Variants in RSPO3 observed in about 807,000 individuals in gnomAD.
RSPO3 encodes R-spondin-3.
Under a neutral mutation model 36.5 loss-of-function variants are expected in RSPO3, and 17 were observed. The ratio of observed to expected loss-of-function variants is 0.47; its 90% CI spans 0.32 to 0.70. RSPO3 has a LOEUF of 0.70. Among genes scored for constraint, RSPO3 ranks in the 30% least tolerant of loss-of-function variants. RSPO3 has a pLI of 0.04. For synonymous variants in RSPO3, 108 were observed against 107.0 expected (o/e 1.01, Z -0.06); for missense variants, 294 against 322.5 (o/e 0.91, Z 0.68).
chr6:127,151,609 GT>G (rs1401079434), intron 3 of RSPO3, among the ~76,000 whole-genome samples: 2 of 151,956 alleles, frequency 1.3e-5, no homozygotes, highest in Non-Finnish European at 2.9e-5. Flanking sequence ...TAAAGTGATG[GT>G]TTAACCATTT....
At position 127,119,699 on chromosome 6, in the gene RSPO3, G is replaced by A. The variant is rs111937960; in HGVS notation, c.97+410G>A. 1.2e-3 allele frequency: 198 copies of A among 166,398 alleles called. 1 individual carries two copies. The highest frequency in any genetic ancestry group is 4.5e-3 in the African/African-American group (192 of 42,242). 10.3% of individuals were successfully genotyped at this position (166,398 alleles called of 1,614,324 possible). A position where few individuals can be genotyped will look rare whatever the true frequency, so the allele number is the denominator to read the frequency against. On this transcript the variant is annotated intron_variant, in intron 1 of 4. Coordinates refer to ENST00000356698, the MANE Select transcript of RSPO3 (RefSeq NM_032784.5). ...CCGCTGAGTAAATGACAAGGGAGGC[G>A]CGGCCGCGGTACCCGCTCACCTAGC...
chr6:127,180,552 A>G (rs954352038), intron 4 of RSPO3, among the ~76,000 whole-genome samples: 2 of 146,760 alleles, frequency 1.4e-5, no homozygotes, highest in Non-Finnish European at 3.0e-5. Flanking sequence ...TAGAGGTTCT[A>G]GAGATGACAG....
rs1327764118 is a variant in RSPO3 at position 127,155,377 on chromosome 6, C to G, written c.573C>G (p.Pro191=). The part of the protein sequence containing the change: ...QHPSAKGNLC[P]PTNETRKCTV... ...CTTCAGCAAAGGGTAACCTGTGTCC[C>G]CCAACAAATGAGACAAGAAAGTGTA... The change falls in exon 4 of 5, where the codon CCC becomes CCG. Residue 191 remains proline (P), a synonymous_variant. Coordinates refer to ENST00000356698, the MANE Select transcript of RSPO3 (RefSeq NM_032784.5). 6.2e-7 allele frequency: 1 copy of G among 1,613,742 alleles called. No individual in the cohort carries two copies. Among genetic ancestry groups the G allele is most frequent in the East Asian group, 2.2e-5 (1 of 44,812 alleles).
At chr6:127,193,238 A>C (rs892580028) in intron 4 of RSPO3, among the ~76,000 whole-genome samples, 1 of 152,208 alleles carries the variant, frequency 6.6e-6, no homozygotes, top group African/African-American at 2.4e-5. Context: ...ACTTCCAAAA[A>C]TGTTTAGGCC....
chr6:127,124,519 T>G (rs76148224), intron 1 of RSPO3, among the ~76,000 whole-genome samples: 1 of 151,950 alleles, frequency 6.6e-6, no homozygotes, highest in Non-Finnish European at 1.5e-5. Flanking sequence ...ATTTTTTTTT[T>G]GAAAATAATA....
chr6:127,192,390 T>C (rs1051276405), intron 4 of RSPO3, among the ~76,000 whole-genome samples: 1 of 152,184 alleles, frequency 6.6e-6, no homozygotes, highest in Admixed American at 6.6e-5. Context: ...TTAATCCTTA[T>C]GAAGTTTAGC....
intron 1 of RSPO3, among the ~76,000 whole-genome samples, chr6:127,125,650 G>A (rs1030762360): frequency 6.6e-6 from 1 of 152,134 alleles, no homozygotes; most frequent in African/African-American, 2.4e-5. Flanking sequence ...AACATTCATT[G>A]ATTATAAGTA....
chr6:127,196,616 T>C lies in RSPO3; in HGVS notation c.*609T>C, dbSNP rs568790141. On this transcript the variant is annotated 3_prime_UTR_variant, in exon 5 of 5. Coordinates refer to ENST00000356698, the MANE Select transcript of RSPO3 (RefSeq NM_032784.5). ...GTGCATACCAGAATTGAATATACCATATGGGATTGGAGAAAGACAAATGTG... is the reference window on the plus strand; with the variant it reads ...GTGCATACCAGAATTGAATATACCACATGGGATTGGAGAAAGACAAATGTG... 6.6e-6 allele frequency: 1 copy of C among 152,210 alleles called. No homozygotes were observed. Among genetic ancestry groups the C allele is most frequent in the Non-Finnish European group, 1.5e-5 (1 of 68,046 alleles). 9.4% of individuals were successfully genotyped at this position (152,210 alleles called of 1,614,324 possible). A position where few individuals can be genotyped will look rare whatever the true frequency, so the allele number is the denominator to read the frequency against.
chr6:127,187,925 T>A (rs1321368146), intron 4 of RSPO3, among the ~76,000 whole-genome samples: 1 of 152,334 alleles, frequency 6.6e-6, no homozygotes, highest in South Asian at 2.1e-4. Flanking sequence ...CCAATATTTT[T>A]AAAAATCTTT....
chr6:127,184,495 T>C (rs1208160451), intron 4 of RSPO3, among the ~76,000 whole-genome samples: 1 of 151,976 alleles, frequency 6.6e-6, no homozygotes. Flanking sequence ...TGAAATCTAC[T>C]AATGATAACG....
intron 4 of RSPO3, among the ~76,000 whole-genome samples, chr6:127,162,466 C>A (rs1278474776): frequency 6.6e-6 from 1 of 152,080 alleles, no homozygotes; most frequent in Non-Finnish European, 1.5e-5. Flanking sequence ...TAAAAACAGT[C>A]AACTATTGAT....
intron 4 of RSPO3, among the ~76,000 whole-genome samples, chr6:127,164,533 A>G (rs1282269621): frequency 6.6e-6 from 1 of 152,046 alleles, no homozygotes; most frequent in Non-Finnish European, 1.5e-5. Flanking sequence ...TGCATTTGCT[A>G]GAAACTTTTT....
At chr6:127,149,492 A>G (rs535770364) in intron 2 of RSPO3, among the ~76,000 whole-genome samples, 1 of 152,202 alleles carries the variant, frequency 6.6e-6, no homozygotes, top group South Asian at 2.1e-4. Context: ...TAGCAGTTGG[A>G]AAGCTTTTTG....
intron 1 of RSPO3, among the ~76,000 whole-genome samples, chr6:127,146,011 C>T (rs1406237607): frequency 6.6e-6 from 1 of 151,964 alleles, no homozygotes; most frequent in African/African-American, 2.4e-5. Context: ...TTTGTATGAT[C>T]CTTATACGGC....
intron 4 of RSPO3, among the ~76,000 whole-genome samples, chr6:127,164,512 T>C (rs901645672): frequency 1.3e-5 from 2 of 152,140 alleles, no homozygotes; most frequent in Admixed American, 6.6e-5. Context: ...ACTATTTTTT[T>C]CTAGTTTCTC....
At chr6:127,133,916 G>T (rs768880399) in intron 1 of RSPO3, among the ~76,000 whole-genome samples, 4 of 152,068 alleles carry the variant, frequency 2.6e-5, no homozygotes, top group Non-Finnish European at 4.4e-5. Context: ...GTTAAGGAAA[G>T]AAAATATTAA....
intron 4 of RSPO3, among the ~76,000 whole-genome samples, chr6:127,157,440 A>AAACATT (rs58617845): frequency 0.55 from 82,714 of 151,120 alleles, 22,699 homozygotes; most frequent in African/African-American, 0.61. Flanking sequence ...CACTTGACTT[A>AAACATT]AACATTGAAA....
In RSPO3 at chr6:127,195,982, C is replaced by A; in HGVS notation, c.794C>A (p.Ser265Ter). 2.5e-6 allele frequency: 4 copies of A among 1,612,712 alleles called. No homozygotes were observed. Among genetic ancestry groups the A allele is most frequent in the Non-Finnish European group, 3.4e-6 (4 of 1,179,090 alleles). ...KKRKVQDKQK[S>*]VSVSTVH is the part of the protein sequence containing the mutation. Reference sequence around the variant, plus strand: ...CGAAAAGTCCAAGATAAACAGAAATCGGTATCAGTCAGCACTGTACACTAG... The same window carrying A: ...CGAAAAGTCCAAGATAAACAGAAATAGGTATCAGTCAGCACTGTACACTAG... The change falls in exon 5 of 5, where the codon TCG (serine) becomes TAG (stop). Residue 265 changes from serine to a stop codon, truncating the protein, a stop_gained. Coordinates refer to ENST00000356698, the MANE Select transcript of RSPO3 (RefSeq NM_032784.5). LOFTEE classifies it high-confidence loss of function.
At chr6:127,189,446 G>A (rs1232044216) in intron 4 of RSPO3, among the ~76,000 whole-genome samples, 3 of 152,018 alleles carry the variant, frequency 2.0e-5, no homozygotes, top group Non-Finnish European at 4.4e-5. Context: ...TAAGTAAGCA[G>A]GGGTCATATC....
Sources: gnomAD v4.1 joint callset for allele counts (sites outside exome capture counted in the v4.1 genomes callset) on GRCh38, gnomAD v4.1.1 for gene constraint, MANE v1.5 for transcripts, NCBI Gene and HGNC (gene_info 2026-07-23, HGNC 2026-07-21) for gene names.